SDK1: variants seen among roughly 807,000 people sequenced by gnomAD.
SDK1 encodes sidekick cell adhesion molecule 1.
Under a neutral mutation model 245.5 loss-of-function variants are expected in SDK1, and 157 were observed. That is an observed-to-expected ratio of 0.64 (90% CI 0.56 to 0.73). SDK1 has a LOEUF of 0.73. Ranked by LOEUF, SDK1 falls within the 30% of genes least tolerant of loss-of-function variation. The pLI is 0.00. For missense variants in SDK1, 3,583 were observed against 3,002.3 expected (o/e 1.19, Z -4.52); for synonymous variants, 1,647 against 1,278.5 (o/e 1.29, Z -6.15).
intron 4 of SDK1, among the ~76,000 whole-genome samples, chr7:3,744,939 C>T (rs1002935406): frequency 6.6e-6 from 1 of 152,058 alleles, no homozygotes; most frequent in Non-Finnish European, 1.5e-5. Context: ...TTTTCTTTTT[C>T]CCTCACGAAG....
chr7:3,940,797 G>C (rs956741822), intron 5 of SDK1, among the ~76,000 whole-genome samples: 3 of 151,796 alleles, frequency 2.0e-5, no homozygotes, highest in African/African-American at 7.3e-5. Flanking sequence ...CTCCAGCCTG[G>C]GTGACAAAAA....
At chr7:3,992,357 G>C (rs923968140) in intron 14 of SDK1, among the ~76,000 whole-genome samples, 2 of 152,202 alleles carry the variant, frequency 1.3e-5, no homozygotes, top group African/African-American at 4.8e-5. Flanking sequence ...TGAGAAGTTT[G>C]ATGGTTCTCC....
chr7:3,703,827 T>G (rs960936513), intron 4 of SDK1, among the ~76,000 whole-genome samples: 7 of 152,246 alleles, frequency 4.6e-5, no homozygotes, highest in Non-Finnish European at 8.8e-5. Flanking sequence ...TGTTGTTGTT[T>G]TATTGTGTTT....
chr7:3,316,289 A>C (rs1779660794), intron 1 of SDK1, among the ~76,000 whole-genome samples: 2 of 152,154 alleles, frequency 1.3e-5, no homozygotes, highest in Admixed American at 6.6e-5. Flanking sequence ...ACCTTGTCTC[A>C]GTTCAGATTT....
chr7:4,139,719 G>A (rs59795428), intron 28 of SDK1, among the ~76,000 whole-genome samples: 3,228 of 18,754 alleles, frequency 0.17, 676 homozygotes, highest in African/African-American at 0.34. Context: ...GTGTGTGTGT[G>A]TATGTGTGTG....
chr7:3,642,230 C>G, intron 4 of SDK1, 125 bp downstream of exon 4: 1 of 794,258 alleles, frequency 1.3e-6, no homozygotes. Context: ...GTCTAGGAGT[C>G]CTATCCTAAT....
At chr7:3,852,548 C>A (rs973445868) in intron 5 of SDK1, among the ~76,000 whole-genome samples, 2 of 151,324 alleles carry the variant, frequency 1.3e-5, no homozygotes, top group Non-Finnish European at 2.9e-5. Flanking sequence ...GAGATTGAGA[C>A]CATCCTGGCT....
In SDK1 at chr7:3,423,201, T is replaced by G. The variant is rs190137503; in HGVS notation, c.298+121317T>G. 2.6e-4 allele frequency among the ~76,000 whole-genome samples: 39 copies of G among 152,326 alleles called. 1 individual carries two copies. Among genetic ancestry groups the G allele is most frequent in the Non-Finnish European group, 2.8e-4 (19 of 68,028 alleles). On this transcript the variant is annotated intron_variant, in intron 1 of 44. Coordinates refer to ENST00000404826, the MANE Select transcript of SDK1 (RefSeq NM_152744.4). ...CATAAGATAATTTAAGCACAAATGA[T>G]TACAACAATTTACGTTTTTTATTGT...
intron 9 of SDK1, among the ~76,000 whole-genome samples, chr7:3,966,015 A>G (rs1782056980): frequency 6.6e-6 from 1 of 151,908 alleles, no homozygotes; most frequent in Non-Finnish European, 1.5e-5. Context: ...GGCCGAGAAC[A>G]GGAGGAGCCT....
At chr7:3,640,780 T>A (rs561118615) in intron 3 of SDK1, among the ~76,000 whole-genome samples, 1 of 152,024 alleles carries the variant, frequency 6.6e-6, no homozygotes, top group East Asian at 1.9e-4. Context: ...GCCTCCTAGG[T>A]TCAAGTGATT....
chr7:3,617,278 C>G (rs762989235), intron 1 of SDK1, among the ~76,000 whole-genome samples: 1 of 152,164 alleles, frequency 6.6e-6, no homozygotes, highest in Admixed American at 6.5e-5. Flanking sequence ...TGGCATTGTT[C>G]TAGGTGCTAG....
intron 5 of SDK1, among the ~76,000 whole-genome samples, chr7:3,904,876 C>G (rs1313172606): frequency 6.6e-6 from 1 of 151,564 alleles, no homozygotes; most frequent in Non-Finnish European, 1.5e-5. Flanking sequence ...GCCTGTAGTC[C>G]CAGCTACTCG....
chr7:3,967,139 C>G (rs540726463), intron 9 of SDK1, among the ~76,000 whole-genome samples, 179 bp from the exon 10 acceptor site: 1 of 152,310 alleles, frequency 6.6e-6, no homozygotes, highest in East Asian at 1.9e-4. Flanking sequence ...AAACAAAGAT[C>G]GGTAACTCCT....
intron 1 of SDK1, among the ~76,000 whole-genome samples, chr7:3,519,355 T>A (rs1782855738): frequency 6.6e-6 from 1 of 152,168 alleles, no homozygotes; most frequent in South Asian, 2.1e-4. Context: ...TACTATATAT[T>A]GTAATGTATC....
intron 35 of SDK1, among the ~76,000 whole-genome samples, chr7:4,197,580 C>T (rs745668647): frequency 1.3e-5 from 2 of 152,324 alleles, no homozygotes; most frequent in African/African-American, 4.8e-5. Flanking sequence ...GGGCTGGGCT[C>T]GTGTGAGGCT....
At chr7:4,040,039 G>T (rs1025694191) in intron 17 of SDK1, among the ~76,000 whole-genome samples, 23 of 152,182 alleles carry the variant, frequency 1.5e-4, no homozygotes, top group African/African-American at 5.6e-4. Flanking sequence ...AGAGGAAGAC[G>T]CTGAAGCACT....
chr7:3,464,698 G>GTATGTATA (rs1554275278), intron 1 of SDK1, among the ~76,000 whole-genome samples: 1 of 148,050 alleles, frequency 6.8e-6, no homozygotes, highest in African/African-American at 2.5e-5. Context: ...GTGTATGTAT[G>GTATGTATA]TATATATATA....
At chr7:4,048,269 T>C (rs1789164915) in intron 17 of SDK1, among the ~76,000 whole-genome samples, 1 of 152,192 alleles carries the variant, frequency 6.6e-6, no homozygotes, top group East Asian at 1.9e-4. Flanking sequence ...AGGACCTTCC[T>C]TCCACCCAGT....
chr7:3,474,296 A>G (rs576528695), intron 1 of SDK1, among the ~76,000 whole-genome samples: 115 of 151,070 alleles, frequency 7.6e-4, no homozygotes, highest in African/African-American at 2.8e-3. Flanking sequence ...GGGTTTCACC[A>G]TGTTGGCCAG....
Sources: gnomAD v4.1 joint callset for allele counts (sites outside exome capture counted in the v4.1 genomes callset) on GRCh38, gnomAD v4.1.1 for gene constraint, MANE v1.5 for transcripts, NCBI Gene and HGNC (gene_info 2026-07-23, HGNC 2026-07-21) for gene names.